The following CATSPERB variants were observed in gnomAD, a reference collection of about 807,000 sequenced individuals.
CATSPERB encodes cation channel sperm-associated auxiliary subunit beta.
A neutral mutation model predicts 128.3 loss-of-function variants in CATSPERB; 93 were observed. The ratio of observed to expected loss-of-function variants is 0.72; its 90% CI spans 0.61 to 0.86. CATSPERB has a LOEUF of 0.86. CATSPERB is among the 40% of genes least tolerant of loss of function. The pLI is 0.00. For synonymous variants in CATSPERB, 381 were observed against 448.8 expected (o/e 0.85, Z 1.91); for missense variants, 1,153 against 1,329.5 (o/e 0.87, Z 2.06).
Position 91,607,091 on chromosome 14 carries a change from G to A in CATSPERB, c.2709+1203C>T, listed in dbSNP as rs1471468734. Among the ~76,000 whole-genome samples, 4 of 118,248 alleles carry A rather than the reference G, an allele frequency of 3.4e-5. 1 individual carries two copies. Among genetic ancestry groups the A allele is most frequent in the Admixed American group, 9.1e-5 (1 of 10,956 alleles). 77.6% of individuals were successfully genotyped at this position (118,248 alleles called of 152,430 possible). On this transcript the variant is annotated intron_variant, in intron 22 of 26. Coordinates refer to ENST00000256343, the MANE Select transcript of CATSPERB (RefSeq NM_024764.4). ...TAATTGTGTGTGTGTGGGCGGGGGG[G>A]GGGGGGGCGGTGAATGTGTATTAAT...
At chr14:91,690,149 T>C (rs11160023) in intron 10 of CATSPERB, among the ~76,000 whole-genome samples, 17,571 of 152,044 alleles carry the variant, frequency 0.12, 1,103 homozygotes, top group Non-Finnish European at 0.14. Flanking sequence ...TGTACCAACA[T>C]ATCTGGCTAA....
At chr14:91,615,151 C>A (rs564030691) in intron 20 of CATSPERB, among the ~76,000 whole-genome samples, 2 of 152,280 alleles carry the variant, frequency 1.3e-5, no homozygotes, top group Admixed American at 1.3e-4. Context: ...AGGAACCTGG[C>A]CTTACAGCAG....
intron 18 of CATSPERB, among the ~76,000 whole-genome samples, chr14:91,622,892 A>AT (rs1894078705): frequency 1.2e-5 from 1 of 84,398 alleles, no homozygotes; most frequent in South Asian, 4.3e-4. Flanking sequence ...GTTCTCAATG[A>AT]CTTTTTTTTT....
intron 5 of CATSPERB, among the ~76,000 whole-genome samples, chr14:91,714,277 CAAAAAA>C (rs35951126): frequency 2.7e-5 from 3 of 111,296 alleles, no homozygotes; most frequent in East Asian, 2.7e-4. Flanking sequence ...TACAATAAGG[CAAAAAA>C]AAAAAAAAAG....
chr14:91,600,292 AATT>A (rs1256702151), intron 22 of CATSPERB, among the ~76,000 whole-genome samples: 2 of 152,208 alleles, frequency 1.3e-5, no homozygotes, highest in Non-Finnish European at 2.9e-5. Context: ...TTAAAAAAGC[AATT>A]ATTATAGCTA....
chr14:91,678,891 C>T (rs1895234907), intron 11 of CATSPERB, among the ~76,000 whole-genome samples: 1 of 152,056 alleles, frequency 6.6e-6, no homozygotes, highest in East Asian at 1.9e-4. Flanking sequence ...GCAAAATGCC[C>T]ATGTGTTTAA....
chr14:91,677,941 G>A (rs1427765655), intron 11 of CATSPERB, among the ~76,000 whole-genome samples: 1 of 152,148 alleles, frequency 6.6e-6, no homozygotes, highest in African/African-American at 2.4e-5. Context: ...GGATGAAGCT[G>A]GAAGCCATAA....
chr14:91,692,141 C>T (rs1239610340), intron 9 of CATSPERB, among the ~76,000 whole-genome samples: 1 of 147,028 alleles, frequency 6.8e-6, no homozygotes, highest in Non-Finnish European at 1.5e-5. Flanking sequence ...CACGCCACTG[C>T]ACTCCAGCCT....
chr14:91,637,158 T>TG (rs1894391399), intron 16 of CATSPERB, among the ~76,000 whole-genome samples: 1 of 152,066 alleles, frequency 6.6e-6, no homozygotes, highest in Non-Finnish European at 1.5e-5. Flanking sequence ...CTGTCCTGCT[T>TG]GGGGAACTTT....
chr14:91,646,069 C>T (rs61067662), intron 15 of CATSPERB: 45,080 of 154,066 alleles, frequency 0.29, 6,727 homozygotes, highest in East Asian at 0.33. Flanking sequence ...CTTCGGCTCG[C>T]GCACGGTGCG....
At chr14:91,582,559 C>G (rs1382511639) in intron 26 of CATSPERB, among the ~76,000 whole-genome samples, 2 of 152,220 alleles carry the variant, frequency 1.3e-5, no homozygotes, top group Non-Finnish European at 2.9e-5. Flanking sequence ...TTTCCTCTGA[C>G]TGATCCCACC....
Position 91,610,460 on chromosome 14 carries a change from A to C in CATSPERB, c.2598+20T>G, listed in dbSNP as rs961114032. ...ATAGCATTGCTTCTTAAACCAATAT[A>C]CTTAGATTTTTTTTTTTACCGGCAA... On this transcript the variant is annotated intron_variant, in intron 21 of 26. Transcript: ENST00000256343. 6.3e-7 allele frequency: 1 copy of C among 1,594,538 alleles called. No individual in the cohort carries two copies. The highest frequency in any genetic ancestry group is 1.3e-5 in the African/African-American group (1 of 74,276).
chr14:91,605,338 G>T, intron 22 of CATSPERB: 1 of 708,350 alleles, frequency 1.4e-6, no homozygotes, highest in Non-Finnish European at 2.4e-6. Flanking sequence ...TGGGGAAGAG[G>T]AGGAAAAAAT....
intron 18 of CATSPERB, among the ~76,000 whole-genome samples, chr14:91,624,214 G>A (rs1219776674): frequency 1.3e-5 from 2 of 152,192 alleles, no homozygotes; most frequent in African/African-American, 4.8e-5. Context: ...GGGTGCAGTG[G>A]CTCATGCCTG....
chr14:91,608,116 T>A (rs1307449633), intron 22 of CATSPERB, among the ~76,000 whole-genome samples, 178 bp downstream of exon 22: 1 of 152,166 alleles, frequency 6.6e-6, no homozygotes, highest in East Asian at 1.9e-4. Flanking sequence ...GCTCCAAAAC[T>A]GTATTCAGGA....
At chr14:91,604,589 C>T in intron 22 of CATSPERB, 2 of 1,610,622 alleles carry the variant, frequency 1.2e-6, no homozygotes, top group Non-Finnish European at 1.7e-6. Flanking sequence ...AGATTCCTCT[C>T]CATAGTTATA....
intron 24 of CATSPERB, among the ~76,000 whole-genome samples, chr14:91,588,471 C>T (rs1893342532): frequency 6.6e-6 from 1 of 152,256 alleles, no homozygotes; most frequent in East Asian, 1.9e-4. Flanking sequence ...AAGGTCATCT[C>T]AGGACCTCCT....
At position 91,606,955 on chromosome 14, in the gene CATSPERB, C is replaced by T. The variant is rs184690915; in HGVS notation, c.2709+1339G>A. Among the ~76,000 whole-genome samples, 6 of 43,514 alleles carry T rather than the reference C, an allele frequency of 1.4e-4. No homozygotes were observed. In the East Asian group the frequency reaches 2.1e-3, roughly 15 times the overall value. The allele number at this position is 43,514 out of a possible 152,430, so 28.5% of individuals were successfully genotyped here. On this transcript the variant is annotated intron_variant, in intron 22 of 26. Coordinates refer to ENST00000256343, the MANE Select transcript of CATSPERB (RefSeq NM_024764.4). ...TTCAGTAGAGGAGGTGGTTCTTTGT[C>T]TTTGGGAGAAACTGGACGTGGAGAA...
At chr14:91,699,708 G>T (rs1380785985) in intron 7 of CATSPERB, among the ~76,000 whole-genome samples, 1 of 151,486 alleles carries the variant, frequency 6.6e-6, no homozygotes, top group African/African-American at 2.4e-5. Context: ...CGAGTAGCTG[G>T]AATTACAGGC....
Sources: allele counts gnomAD v4.1 joint callset (sites outside exome capture counted in the v4.1 genomes callset), GRCh38; gene constraint gnomAD v4.1.1; transcripts MANE v1.5; gene names NCBI Gene and HGNC (gene_info 2026-07-23, HGNC 2026-07-21).